Variants in CNTN5 observed in about 807,000 individuals in gnomAD.
The protein encoded by CNTN5 is contactin-5.
A neutral mutation model predicts 129.1 loss-of-function variants in CNTN5; 77 were observed. That is an observed-to-expected ratio of 0.60 (90% confidence interval 0.50 to 0.72). The LOEUF is 0.72. Ranked by LOEUF, CNTN5 falls within the 30% of genes least tolerant of loss-of-function variation. The probability of loss-of-function intolerance (pLI) is 0.00; values close to 1 mark genes in which losing one functional copy is unlikely to be tolerated. For missense variants in CNTN5, 1,478 were observed against 1,328.8 expected (o/e 1.11, Z -1.75); for synonymous variants, 509 against 465.6 (o/e 1.09, Z -1.20).
rs140427607 is a variant in CNTN5, at chr11:100,085,971, G to C, written c.1580+11677G>C. ...GAGTATATTTTAGGAAGAGACTTCA[G>C]AATTTGCAAAAATAGTTATGAATTC... On this transcript the variant is annotated intron_variant, in intron 13 of 24. Coordinates refer to ENST00000524871, the MANE Select transcript of CNTN5 (RefSeq NM_014361.4). Among the ~76,000 whole-genome samples, 131 of 152,112 alleles carry C rather than the reference G, an allele frequency of 8.6e-4. 1 individual carries two copies. The highest frequency in any genetic ancestry group is 2.8e-3 in the African/African-American group (117 of 41,566).
Position 99,639,369 on chromosome 11 carries a change from T to C in CNTN5, c.55+83100T>C, listed in dbSNP as rs371799828. ...CTCTCTGACATGGCCTGGAGATATT[T>C]TCCCCATAGTCTTGAGGATGAACAT... On this transcript the variant is annotated intron_variant, in intron 3 of 24. Coordinates refer to ENST00000524871, the MANE Select transcript of CNTN5 (RefSeq NM_014361.4). 6.6e-5 allele frequency among the ~76,000 whole-genome samples: 10 copies of C among 152,194 alleles called. No homozygotes were observed. In the East Asian group the frequency reaches 1.9e-3, roughly 29 times the overall value.
chr11:100,040,972 G>C (rs573556388), intron 9 of CNTN5, among the ~76,000 whole-genome samples: 1 of 152,160 alleles, frequency 6.6e-6, no homozygotes, highest in Admixed American at 6.5e-5. Context: ...ACGGTGCACT[G>C]CACCCACTGT....
intron 2 of CNTN5, among the ~76,000 whole-genome samples, chr11:99,361,255 A>G (rs2136108465): frequency 6.6e-6 from 1 of 152,212 alleles, no homozygotes; most frequent in East Asian, 1.9e-4. Flanking sequence ...AGCACCTTTA[A>G]TGCTCCATTC....
intron 1 of CNTN5, among the ~76,000 whole-genome samples, chr11:99,153,705 G>A (rs1424523572): frequency 1.3e-5 from 2 of 151,952 alleles, no homozygotes; most frequent in Non-Finnish European, 2.9e-5. Flanking sequence ...GTTGTTTGGA[G>A]GTGAGAAGAC....
At chr11:99,398,874 T>C (rs1941660867) in intron 2 of CNTN5, among the ~76,000 whole-genome samples, 1 of 151,854 alleles carries the variant, frequency 6.6e-6, no homozygotes, top group Non-Finnish European at 1.5e-5. Context: ...AAGAATTTCC[T>C]TTGCCTTTTT....
At chr11:100,118,673 C>G (rs558304013) in intron 13 of CNTN5, among the ~76,000 whole-genome samples, 1 of 151,856 alleles carries the variant, frequency 6.6e-6, no homozygotes, top group East Asian at 1.9e-4. Flanking sequence ...TTATGGTTTA[C>G]ACAATTACCT....
chr11:100,223,802 A>G (rs931924409), intron 15 of CNTN5, among the ~76,000 whole-genome samples: 9 of 152,154 alleles, frequency 5.9e-5, no homozygotes, highest in Admixed American at 5.9e-4. Context: ...CCTGAAAAAT[A>G]AAAACCTCCT....
chr11:99,406,070 G>T (rs1005672481), intron 2 of CNTN5, among the ~76,000 whole-genome samples: 1 of 151,278 alleles, frequency 6.6e-6, no homozygotes, highest in Non-Finnish European at 1.5e-5. Context: ...TAGTTCACTT[G>T]GTGAGGTTAT....
chr11:99,152,231 T>C (rs1231980683), intron 1 of CNTN5, among the ~76,000 whole-genome samples: 2 of 152,204 alleles, frequency 1.3e-5, no homozygotes, highest in African/African-American at 2.4e-5. Context: ...ATTTGAACAA[T>C]ATGATTCACC....
At chr11:99,278,470 C>A (rs747763337) in intron 1 of CNTN5, among the ~76,000 whole-genome samples, 22 of 151,532 alleles carry the variant, frequency 1.5e-4, no homozygotes, top group East Asian at 3.9e-4. Flanking sequence ...TCATAAAAAA[C>A]CATTTCAAAA....
intron 2 of CNTN5, among the ~76,000 whole-genome samples, chr11:99,380,081 C>G (rs367784253): frequency 7.4e-5 from 11 of 148,288 alleles, no homozygotes; most frequent in African/African-American, 1.2e-4. Context: ...AATGGTGTGT[C>G]TGTGTGTGTG....
At chr11:99,476,938 A>C (rs1296317695) in intron 2 of CNTN5, among the ~76,000 whole-genome samples, 3 of 151,944 alleles carry the variant, frequency 2.0e-5, no homozygotes, top group Non-Finnish European at 4.4e-5. Flanking sequence ...ACATATATAG[A>C]TGCCACCCTA....
chr11:99,295,380 C>T (rs1429897783), intron 1 of CNTN5, among the ~76,000 whole-genome samples: 2 of 152,182 alleles, frequency 1.3e-5, no homozygotes, highest in Admixed American at 6.5e-5. Context: ...TTTAGCATAA[C>T]TTTTACAAGA....
intron 3 of CNTN5, among the ~76,000 whole-genome samples, chr11:99,666,493 A>G (rs598384): frequency 0.67 from 101,553 of 151,944 alleles, 34,995 homozygotes; most frequent in Admixed American, 0.78. Flanking sequence ...GCAAAGGGAA[A>G]CATACTAGGT....
chr11:99,585,821 A>C (rs1226535819), intron 3 of CNTN5, among the ~76,000 whole-genome samples: 1 of 152,184 alleles, frequency 6.6e-6, no homozygotes, highest in Non-Finnish European at 1.5e-5. Context: ...TTTGTAATTC[A>C]TAAAGAATTT....
intron 1 of CNTN5, among the ~76,000 whole-genome samples, chr11:99,209,858 A>G (rs930087958): frequency 2.6e-5 from 4 of 152,198 alleles, no homozygotes; most frequent in Non-Finnish European, 5.9e-5. Context: ...CATCTTTGTC[A>G]TAGTACCATG....
chr11:100,357,819 A>G lies in CNTN5; in HGVS notation c.*1599A>G, dbSNP rs1167909576. The G allele has an allele frequency of 6.6e-6, 1 of 151,734 alleles. No individual in the cohort carries two copies. Among genetic ancestry groups the G allele is most frequent in the African/African-American group, 2.4e-5 (1 of 41,324 alleles). 9.4% of individuals were successfully genotyped at this position (151,734 alleles called of 1,614,324 possible). A position where few individuals can be genotyped will look rare whatever the true frequency, so the allele number is the denominator to read the frequency against. On this transcript the variant is annotated 3_prime_UTR_variant, in exon 25 of 25. Transcript: ENST00000524871. The stretch of plus-strand genomic sequence containing the variant: ...TTTCTGTTCTGAACATCCTGAAAGA[A>G]TAGTTTCAGAGCCACAGTAAAAGTC...
chr11:99,622,098 A>G (rs1950970078), intron 3 of CNTN5, among the ~76,000 whole-genome samples: 1 of 152,194 alleles, frequency 6.6e-6, no homozygotes, highest in Non-Finnish European at 1.5e-5. Flanking sequence ...CATTGAGCAC[A>G]TCTTCTATCT....
Position 99,601,625 on chromosome 11 carries a change from G to A in CNTN5, c.55+45356G>A, listed in dbSNP as rs138888487. The stretch of plus-strand genomic sequence containing the variant: ...GACAAAGCAAACTTTACTAAACAAC[G>A]AATTTGTATTTCTCCTTCTTTGGTG... On this transcript the variant is annotated intron_variant, in intron 3 of 24. Transcript: ENST00000524871. 9.3e-3 allele frequency among the ~76,000 whole-genome samples: 1,421 copies of A among 152,140 alleles called. 21 individuals carry two copies. The highest frequency in any genetic ancestry group is 0.013 in the Non-Finnish European group (864 of 68,002).
Sources: allele counts gnomAD v4.1 joint callset (sites outside exome capture counted in the v4.1 genomes callset), GRCh38; gene constraint gnomAD v4.1.1; transcripts MANE v1.5; gene names NCBI Gene and HGNC (gene_info 2026-07-23, HGNC 2026-07-21).